The following TDRD9 variants were observed in gnomAD, a reference collection of about 807,000 sequenced individuals.
TDRD9 encodes the protein ATP-dependent RNA helicase TDRD9.
In TDRD9, 124 loss-of-function variants were observed where a neutral mutation model predicts 172.6. That is an observed-to-expected ratio of 0.72 (90% confidence interval 0.62 to 0.83). The LOEUF (loss-of-function observed/expected upper bound fraction) is 0.83. Among genes scored for constraint, TDRD9 ranks in the 40% least tolerant of loss-of-function variants. TDRD9 has a pLI of 0.00. For missense variants in TDRD9, 1,479 were observed against 1,714.1 expected (o/e 0.86, Z 2.42); for synonymous variants, 619 against 617.1 (o/e 1.00, Z -0.05).
chr14:104,045,149 A>C (rs1306680597), intron 34 of TDRD9, among the ~76,000 whole-genome samples: 1 of 152,060 alleles, frequency 6.6e-6, no homozygotes, highest in South Asian at 2.1e-4. Flanking sequence ...ATCAGGAAAA[A>C]AAAAAAAAAG....
At chr14:103,960,481 G>T (rs915775281) in intron 2 of TDRD9, among the ~76,000 whole-genome samples, 1 of 152,220 alleles carries the variant, frequency 6.6e-6, no homozygotes, top group African/African-American at 2.4e-5. Flanking sequence ...AGGTTGAGCT[G>T]GTCCTCATGC....
chr14:104,001,349 C>T (rs1456807148), intron 13 of TDRD9, among the ~76,000 whole-genome samples: 1 of 152,212 alleles, frequency 6.6e-6, no homozygotes, highest in Admixed American at 6.5e-5. Flanking sequence ...TAGCTTTTTC[C>T]ACTTACCATA....
chr14:103,949,719 G>A (rs1188133806), intron 1 of TDRD9, among the ~76,000 whole-genome samples: 1 of 152,116 alleles, frequency 6.6e-6, no homozygotes, highest in East Asian at 1.9e-4. Flanking sequence ...TCACTCAGTC[G>A]CCCATGCTGG....
At chr14:103,991,852 G>A (rs779335239) in intron 9 of TDRD9, among the ~76,000 whole-genome samples, 13 of 151,954 alleles carry the variant, frequency 8.6e-5, no homozygotes, top group Admixed American at 1.3e-4. Context: ...CTGCCTCCTG[G>A]GTTCAAGTGA....
rs980238931 is a variant in TDRD9, at chr14:104,003,312, G to C, written c.1484-926G>C. Among the ~76,000 whole-genome samples the C allele has an allele frequency of 2.0e-5, 3 of 152,262 alleles. No individual in the cohort carries two copies. The South Asian group carries it at 6.2e-4, about 32-fold the overall frequency. The stretch of plus-strand genomic sequence containing the variant: ...GTAGGAGAAAAAGACAACTTGGTCT[G>C]TTTTAGCATCTATCTTATGCCTTAA... On this transcript the variant is annotated intron_variant, in intron 13 of 35. Transcript: ENST00000409874.
chr14:103,968,661 T>C (rs1047968471), intron 5 of TDRD9, among the ~76,000 whole-genome samples: 4 of 148,964 alleles, frequency 2.7e-5, no homozygotes, highest in Non-Finnish European at 5.9e-5. Context: ...CCGGGCGTGG[T>C]GGCGGGCGCC....
intron 8 of TDRD9, among the ~76,000 whole-genome samples, chr14:103,989,487 G>A (rs201162414): frequency 6.6e-6 from 1 of 152,240 alleles, no homozygotes; most frequent in East Asian, 1.9e-4. Flanking sequence ...AATAATGGAA[G>A]CGAGAAAGGC....
chr14:104,004,370 T>C (rs2034367710), intron 14 of TDRD9, 35 bp downstream of exon 14: 2 of 354,120 alleles, frequency 5.6e-6, no homozygotes, highest in East Asian at 6.6e-5. Flanking sequence ...AGTTTATTTA[T>C]TTATTTATTT....
intron 8 of TDRD9, among the ~76,000 whole-genome samples, chr14:103,987,351 C>T (rs1001112388): frequency 1.3e-5 from 2 of 152,204 alleles, no homozygotes; most frequent in Middle Eastern, 3.4e-3. Context: ...TTCTTTTTAG[C>T]GCTAAATTCC....
At chr14:103,981,084 C>T (rs1376408217) in intron 7 of TDRD9, among the ~76,000 whole-genome samples, 2 of 152,204 alleles carry the variant, frequency 1.3e-5, no homozygotes, top group South Asian at 2.1e-4. Context: ...TGGAACAGCT[C>T]GTGCCCTCGG....
chr14:104,034,252 G>A (rs2035380999), intron 31 of TDRD9, among the ~76,000 whole-genome samples, 183 bp downstream of exon 31: 1 of 145,650 alleles, frequency 6.9e-6, no homozygotes, highest in Middle Eastern at 3.4e-3. Flanking sequence ...GTGCAGTGGC[G>A]CGATCTCGGC....
intron 6 of TDRD9, among the ~76,000 whole-genome samples, chr14:103,971,288 C>CTGTT (rs35491518): frequency 6.6e-6 from 1 of 151,208 alleles, no homozygotes; most frequent in Admixed American, 6.6e-5. Flanking sequence ...TGGCCCAGGG[C>CTGTT]TGTTTGTTTG....
chr14:104,015,286 A>C (rs1258557281), intron 21 of TDRD9, among the ~76,000 whole-genome samples: 1 of 152,232 alleles, frequency 6.6e-6, no homozygotes, highest in Non-Finnish European at 1.5e-5. Flanking sequence ...GTTAGCTGGA[A>C]TGTAGCGAGT....
intron 1 of TDRD9, among the ~76,000 whole-genome samples, chr14:103,943,140 C>CT (rs201227424): frequency 0.016 from 2,438 of 149,190 alleles, 68 homozygotes; most frequent in African/African-American, 0.057. Context: ...TTCTTTCTTT[C>CT]TTTTTTTTGA....
In TDRD9 at chr14:104,006,391, T is replaced by C; in HGVS notation, c.1716T>C (p.Val572=). 1 of 1,613,186 alleles carries C rather than the reference T, an allele frequency of 6.2e-7. No homozygotes were observed. Among genetic ancestry groups the C allele is most frequent in the African/African-American group, 1.3e-5 (1 of 75,024 alleles). ...IERTILLLKE[V]GALAVSGQRE... is the part of the protein sequence containing the mutation. ...AACACTAATTTTATTTTATAAAGGT[T>C]GGAGCACTTGCAGTGAGTGGGCAGA... The change falls in exon 16 of 36, where the codon GTT becomes GTC. Residue 572 remains valine, a splice_region_variant and synonymous_variant. Transcript: ENST00000409874.
At chr14:103,982,872 G>T (rs1485286347) in intron 7 of TDRD9, among the ~76,000 whole-genome samples, 1 of 152,090 alleles carries the variant, frequency 6.6e-6, no homozygotes, top group South Asian at 2.1e-4. Flanking sequence ...TTGCACTCCA[G>T]CCTGGACAAC....
At chr14:103,966,475 T>C (rs916584315) in intron 4 of TDRD9, among the ~76,000 whole-genome samples, 4 of 152,194 alleles carry the variant, frequency 2.6e-5, no homozygotes, top group Non-Finnish European at 5.9e-5. Flanking sequence ...TGATACACAA[T>C]TGTTTTAACA....
chr14:104,006,980 T>A, intron 18 of TDRD9, 135 bp downstream of exon 18: 1 of 980,840 alleles, frequency 1.0e-6, no homozygotes, highest in East Asian at 2.6e-5. Flanking sequence ...TGGTGTCCAG[T>A]GTTAAATTAA....
At chr14:103,961,234 A>G (rs2032493321) in intron 2 of TDRD9, among the ~76,000 whole-genome samples, 1 of 152,232 alleles carries the variant, frequency 6.6e-6, no homozygotes, top group African/African-American at 2.4e-5. Context: ...TAATGGAAAG[A>G]AAATCCCTGT....
Sources: gnomAD v4.1 joint callset for allele counts (sites outside exome capture counted in the v4.1 genomes callset) on GRCh38, gnomAD v4.1.1 for gene constraint, MANE v1.5 for transcripts, NCBI Gene and HGNC (gene_info 2026-07-23, HGNC 2026-07-21) for gene names.